The following BTRC variants were observed in gnomAD, a reference collection of about 807,000 sequenced individuals.
BTRC encodes F-box/WD repeat-containing protein 1A.
BTRC carries 42 observed loss-of-function variants against 85.5 expected under a neutral mutation model. That is an observed-to-expected ratio of 0.49 (90% CI 0.38 to 0.64). The LOEUF is 0.64. Among genes scored for constraint, BTRC ranks in the 30% least tolerant of loss-of-function variants. The pLI, the probability that BTRC is intolerant of heterozygous loss-of-function variation, is 0.00. For synonymous variants in BTRC, 255 were observed against 263.3 expected (o/e 0.97, Z 0.30); for missense variants, 594 against 743.5 (o/e 0.80, Z 2.34).
At chr10:101,484,554 A>G (rs550878525) in intron 4 of BTRC, among the ~76,000 whole-genome samples, 52 of 152,338 alleles carry the variant, frequency 3.4e-4, no homozygotes, top group Middle Eastern at 6.8e-3. Flanking sequence ...TTTATAAGGC[A>G]TTTCAGCTGT....
intron 1 of BTRC, among the ~76,000 whole-genome samples, chr10:101,427,061 A>G (rs1944270494): frequency 6.6e-6 from 1 of 150,914 alleles, no homozygotes; most frequent in Non-Finnish European, 1.5e-5. Context: ...CCCAGCACAC[A>G]CAGAAACTTA....
At chr10:101,549,325 G>A (rs2062609270) in intron 13 of BTRC, among the ~76,000 whole-genome samples, 2 of 151,326 alleles carry the variant, frequency 1.3e-5, no homozygotes, top group Admixed American at 6.6e-5. Context: ...TCACTACTTG[G>A]GAGGCTTAAG....
intron 4 of BTRC, among the ~76,000 whole-genome samples, chr10:101,519,007 A>T (rs2062062583): frequency 6.6e-6 from 1 of 151,366 alleles, no homozygotes; most frequent in African/African-American, 2.4e-5. Context: ...CAAGGCTTAA[A>T]TCAATCAAGG....
chr10:101,490,209 T>G (rs982345338), intron 4 of BTRC, among the ~76,000 whole-genome samples: 18 of 151,842 alleles, frequency 1.2e-4, no homozygotes, highest in African/African-American at 4.4e-4. Context: ...TCCTCCCTTC[T>G]TCCCTCCCTC....
At chr10:101,388,223 A>G (rs1337593586) in intron 1 of BTRC, among the ~76,000 whole-genome samples, 1 of 152,012 alleles carries the variant, frequency 6.6e-6, no homozygotes, top group African/African-American at 2.4e-5. Context: ...GGGTAGTGGT[A>G]CAATCATAGC....
At chr10:101,467,605 T>TTATATATG (rs1386918964) in intron 3 of BTRC, among the ~76,000 whole-genome samples, 1 of 152,108 alleles carries the variant, frequency 6.6e-6, no homozygotes, top group Non-Finnish European at 1.5e-5. Context: ...CATTATTTCA[T>TTATATATG]TATATATGTG....
chr10:101,358,493 G>A (rs1195066860), intron 1 of BTRC, among the ~76,000 whole-genome samples: 1 of 152,136 alleles, frequency 6.6e-6, no homozygotes. Flanking sequence ...AATAATTTTA[G>A]AATGTATTGT....
At chr10:101,456,137 C>G (rs1159454796) in intron 2 of BTRC, among the ~76,000 whole-genome samples, 1 of 151,284 alleles carries the variant, frequency 6.6e-6, no homozygotes, top group Non-Finnish European at 1.5e-5. Flanking sequence ...CCACTGTCCT[C>G]CAGCCTGGGT....
chr10:101,381,060 G>T (rs1942915897), intron 1 of BTRC, among the ~76,000 whole-genome samples: 1 of 152,056 alleles, frequency 6.6e-6, no homozygotes, highest in South Asian at 2.1e-4. Flanking sequence ...GACCATACTT[G>T]ACTGAAGTGT....
chr10:101,491,280 G>A (rs765073830), intron 4 of BTRC, among the ~76,000 whole-genome samples: 7 of 152,198 alleles, frequency 4.6e-5, no homozygotes, highest in Non-Finnish European at 7.4e-5. Flanking sequence ...AAGTTGTTTT[G>A]GAATACAGAT....
At chr10:101,367,644 T>C (rs1483253903) in intron 1 of BTRC, among the ~76,000 whole-genome samples, 1 of 152,162 alleles carries the variant, frequency 6.6e-6, no homozygotes, top group Non-Finnish European at 1.5e-5. Context: ...TCTTATAATA[T>C]CTGTAGATTA....
chr10:101,370,592 A>G (rs1942605543), intron 1 of BTRC, among the ~76,000 whole-genome samples: 1 of 151,700 alleles, frequency 6.6e-6, no homozygotes, highest in Non-Finnish European at 1.5e-5. Context: ...TTATCCCAAG[A>G]TCATACAGAT....
chr10:101,551,779 G>A lies in BTRC; in HGVS notation c.*31+888G>A, dbSNP rs1478951800. On this transcript the variant is annotated intron_variant, in intron 14 of 14. Coordinates refer to ENST00000370187, the MANE Select transcript of BTRC (RefSeq NM_033637.4). Reference sequence around the variant, plus strand: ...CTTCTCTTTCTCTCACAGAGGACACGGTTCGTCGTTCCTCAGCCAGGTCGC... The same window carrying A: ...CTTCTCTTTCTCTCACAGAGGACACAGTTCGTCGTTCCTCAGCCAGGTCGC... 2.6e-5 allele frequency among the ~76,000 whole-genome samples: 4 copies of A among 152,310 alleles called. No homozygotes were observed. In the East Asian group the frequency reaches 7.7e-4, roughly 29 times the overall value.
Position 101,449,420 on chromosome 10 carries a change from G to A in BTRC, c.157-12561G>A, listed in dbSNP as rs149604570. 5.2e-4 allele frequency among the ~76,000 whole-genome samples: 79 copies of A among 152,158 alleles called. No homozygotes were observed. In the East Asian group the frequency reaches 7.5e-3, roughly 15 times the overall value. ...CTACTTAAGAAAATCTACAGAGGTCGAGTTACAAAAATAACCAGATGTCCT... is the reference window on the plus strand; with the variant it reads ...CTACTTAAGAAAATCTACAGAGGTCAAGTTACAAAAATAACCAGATGTCCT... On this transcript the variant is annotated intron_variant, in intron 2 of 14. Coordinates refer to ENST00000370187, the MANE Select transcript of BTRC (RefSeq NM_033637.4).
intron 2 of BTRC, among the ~76,000 whole-genome samples, chr10:101,440,671 G>A (rs10883653): frequency 0.36 from 54,856 of 151,642 alleles, 11,331 homozygotes; most frequent in Middle Eastern, 0.48. Context: ...GCAGTGAGCC[G>A]AAATCATATC....
rs565222648 is a variant in BTRC, at chr10:101,490,086, GT to G, written c.324+10633del. On this transcript the variant is annotated intron_variant, in intron 4 of 14. Transcript: ENST00000370187. Reference sequence around the variant, plus strand: ...ATTATAAAGATTATCATAATTCTAAGTTTTCTCTCCCACCCCCATTTTTTTT... The same window carrying G: ...ATTATAAAGATTATCATAATTCTAAGTTTCTCTCCCACCCCCATTTTTTTT... Among the ~76,000 whole-genome samples, 1,129 of 144,288 alleles carry G rather than the reference GT, an allele frequency of 7.8e-3. 8 individuals carry two copies. The highest frequency in any genetic ancestry group is 0.01 in the Non-Finnish European group (665 of 63,982). 94.7% of individuals were successfully genotyped at this position (144,288 alleles called of 152,430 possible).
At chr10:101,363,977 G>A (rs1942291246) in intron 1 of BTRC, among the ~76,000 whole-genome samples, 1 of 152,104 alleles carries the variant, frequency 6.6e-6, no homozygotes, top group Non-Finnish European at 1.5e-5. Flanking sequence ...TCTTGAAATT[G>A]TGGGTTTGCT....
intron 1 of BTRC, among the ~76,000 whole-genome samples, chr10:101,355,071 G>A (rs912841138): frequency 2.0e-5 from 3 of 152,116 alleles, no homozygotes; most frequent in African/African-American, 7.2e-5. Context: ...CAGGAGATTG[G>A]GGCAAAATGA....
intron 7 of BTRC, 75 bp downstream of exon 7, chr10:101,531,408 C>T: frequency 8.7e-7 from 1 of 1,152,278 alleles, no homozygotes; most frequent in South Asian, 1.4e-5. Flanking sequence ...AGTATGGTTA[C>T]AGCAAGCCCA....
Sources: allele counts gnomAD v4.1 joint callset (sites outside exome capture counted in the v4.1 genomes callset), GRCh38; gene constraint gnomAD v4.1.1; transcripts MANE v1.5; gene names NCBI Gene and HGNC (gene_info 2026-07-23, HGNC 2026-07-21).